The following WAPL variants were observed in gnomAD, a reference collection of about 807,000 sequenced individuals.
WAPL encodes WAPL cohesin release factor.
In WAPL, 5 loss-of-function variants were observed where a neutral mutation model predicts 121.0. The ratio of observed to expected loss-of-function variants is 0.04; its 90% CI spans 0.02 to 0.09. WAPL has a LOEUF of 0.09. Ranked by LOEUF, WAPL falls within the 10% of genes least tolerant of loss-of-function variation. The pLI is 1.00. For synonymous variants in WAPL, 480 were observed against 481.5 expected (o/e 1.00, Z 0.04); for missense variants, 999 against 1,410.8 (o/e 0.71, Z 4.68).
At chr10:86,450,776 A>G (rs1339970803) in intron 15 of WAPL, among the ~76,000 whole-genome samples, 1 of 152,246 alleles carries the variant, frequency 6.6e-6, no homozygotes, top group African/African-American at 2.4e-5. Context: ...AAATAAACTA[A>G]AACTTCAAGG....
chr10:86,494,363 T>C (rs542313294), intron 4 of WAPL, among the ~76,000 whole-genome samples: 3 of 152,190 alleles, frequency 2.0e-5, no homozygotes, highest in Non-Finnish European at 4.4e-5. Context: ...TTCTCAAACA[T>C]CATCTTTACT....
chr10:86,504,358 C>T (rs1469390725), intron 2 of WAPL, among the ~76,000 whole-genome samples: 1 of 2,134 alleles, frequency 4.7e-4, no homozygotes, highest in East Asian at 0.019. Context: ...ATTCTAAATA[C>T]TTTCTATTAA....
chr10:86,471,907 T>G (rs1257004899), intron 7 of WAPL, among the ~76,000 whole-genome samples: 1 of 152,048 alleles, frequency 6.6e-6, no homozygotes. Context: ...AATGCTGGGA[T>G]TATAGGTATG....
chr10:86,461,160 A>C lies in WAPL; in HGVS notation c.2482+16T>G, dbSNP rs1325695823. The C allele has an allele frequency of 1.9e-6, 3 of 1,563,130 alleles. No individual in the cohort carries two copies. The highest frequency in any genetic ancestry group is 2.6e-6 in the Non-Finnish European group (3 of 1,141,248). On this transcript the variant is annotated intron_variant, in intron 10 of 18. Coordinates refer to ENST00000298767, the MANE Select transcript of WAPL (RefSeq NM_015045.5). ...TTAAATAATATATAAAAACATTCTA[A>C]ATGTAAATATCATACCTTTATCTAC...
At chr10:86,442,717 T>C (rs546049620) in intron 17 of WAPL, among the ~76,000 whole-genome samples, 11 of 152,216 alleles carry the variant, frequency 7.2e-5, no homozygotes, top group Non-Finnish European at 1.6e-4. Flanking sequence ...AAGTTTTTAC[T>C]TTAAAACTAT....
At chr10:86,440,325 T>C (rs989140272) in intron 17 of WAPL, among the ~76,000 whole-genome samples, 2 of 152,048 alleles carry the variant, frequency 1.3e-5, no homozygotes, top group Non-Finnish European at 2.9e-5. Context: ...TCTCGCTCTG[T>C]TGCCCAGGCT....
At chr10:86,452,432 A>C (rs1269797083) in intron 14 of WAPL, among the ~76,000 whole-genome samples, 1 of 152,068 alleles carries the variant, frequency 6.6e-6, no homozygotes, top group Non-Finnish European at 1.5e-5. Context: ...TCTCTACTAA[A>C]AATACAAAAA....
Position 86,517,885 on chromosome 10 carries a change from G to T in WAPL, c.185C>A (p.Pro62His). The T allele has an allele frequency of 6.2e-7, 1 of 1,614,050 alleles. No homozygotes were observed. Among genetic ancestry groups the T allele is most frequent in the Non-Finnish European group, 8.5e-7 (1 of 1,179,990 alleles). The change falls in exon 2 of 19, where the codon CCT becomes CAT. Residue 62 changes from proline to histidine, a missense_variant. Coordinates refer to ENST00000298767, the MANE Select transcript of WAPL (RefSeq NM_015045.5). Reference sequence around the variant, plus strand: ...TCCAGTACTTTCTTCTTCCACTTTAGGTTTCTTCGGAATTTCTTGGATATC... The same window carrying T: ...TCCAGTACTTTCTTCTTCCACTTTATGTTTCTTCGGAATTTCTTGGATATC... ...KPDIQEIPKKPKVEEESTGDP... is the reference protein window; with the variant it reads ...KPDIQEIPKKHKVEEESTGDP...
At position 86,454,523 on chromosome 10, in the gene WAPL, G is replaced by C. The variant is rs150186400; in HGVS notation, c.2658-692C>G. On this transcript the variant is annotated intron_variant, in intron 12 of 18. Coordinates refer to ENST00000298767, the MANE Select transcript of WAPL (RefSeq NM_015045.5). ...CTGCCTAGTGCCTGGGACTGCAGGC[G>C]GGCGCCGCCACACCTGACTGGTTTT... Among the ~76,000 whole-genome samples the C allele has an allele frequency of 7.9e-5, 12 of 152,316 alleles. No individual in the cohort carries two copies. In the East Asian group the frequency reaches 2.3e-3, roughly 29 times the overall value.
intron 2 of WAPL, among the ~76,000 whole-genome samples, chr10:86,505,248 T>C (rs967447212): frequency 7.0e-6 from 1 of 142,720 alleles, no homozygotes; most frequent in Admixed American, 7.2e-5. Flanking sequence ...GATCCTCCCA[T>C]CTCAGCCTCC....
intron 2 of WAPL, among the ~76,000 whole-genome samples, chr10:86,511,767 C>A (rs535660971): frequency 6.6e-6 from 1 of 152,108 alleles, no homozygotes; most frequent in South Asian, 2.1e-4. Context: ...ACGGTCTCTA[C>A]AAAAAATATA....
At chr10:86,511,653 G>T (rs1168109003) in intron 2 of WAPL, among the ~76,000 whole-genome samples, 1 of 152,160 alleles carries the variant, frequency 6.6e-6, no homozygotes, top group Non-Finnish European at 1.5e-5. Context: ...AAATAACAGG[G>T]CCGGGCACAG....
rs1166186396 is a variant in WAPL, at chr10:86,437,121, T to C, written c.*422A>G. ...TGTTGTCTAGAATGTCCTCAGAACA[T>C]TCGCTACCTCAGTAGCTAAGCTGCC... On this transcript the variant is annotated 3_prime_UTR_variant, in exon 19 of 19. Coordinates refer to ENST00000298767, the MANE Select transcript of WAPL (RefSeq NM_015045.5). The C allele has an allele frequency of 2.5e-5, 4 of 158,458 alleles. No individual in the cohort carries two copies. The highest frequency in any genetic ancestry group is 9.6e-5 in the African/African-American group (4 of 41,600). The allele number at this position is 158,458 out of a possible 1,614,324, so 9.8% of individuals were successfully genotyped here.
At chr10:86,459,098 A>G in intron 11 of WAPL, 33 bp from the exon 12 acceptor site, 1 of 1,559,594 alleles carries the variant, frequency 6.4e-7, no homozygotes, top group Non-Finnish European at 8.7e-7. Context: ...AATTGTGGCA[A>G]TCCAAAACTT....
intron 15 of WAPL, among the ~76,000 whole-genome samples, chr10:86,450,694 T>C (rs578148961): frequency 5.8e-4 from 89 of 152,332 alleles, no homozygotes; most frequent in South Asian, 5.8e-3. Flanking sequence ...AAATTACTAC[T>C]ACCATTTACT....
At position 86,447,980 on chromosome 10, in the gene WAPL, A is replaced by G. The variant is rs558578725; in HGVS notation, c.3115-1531T>C. Among the ~76,000 whole-genome samples the G allele has an allele frequency of 2.0e-5, 3 of 152,182 alleles. No homozygotes were observed. In the South Asian group the frequency reaches 6.2e-4, roughly 32 times the overall value. ...GGAGAATCACTGGAACCTGGGAGTC[A>G]GGGGTTGCAGTAAGCTGAGATGGTG... On this transcript the variant is annotated intron_variant, in intron 15 of 18. Coordinates refer to ENST00000298767, the MANE Select transcript of WAPL (RefSeq NM_015045.5).
intron 4 of WAPL, among the ~76,000 whole-genome samples, chr10:86,477,979 C>T (rs563888700): frequency 7.7e-4 from 117 of 151,104 alleles, no homozygotes; most frequent in African/African-American, 2.0e-3. Flanking sequence ...TGCTTGAACC[C>T]GGGAGGCGGA....
chr10:86,515,152 C>A (rs1171698687), intron 2 of WAPL, among the ~76,000 whole-genome samples: 1 of 150,268 alleles, frequency 6.7e-6, no homozygotes, highest in African/African-American at 2.4e-5. Context: ...CCCAGCTACT[C>A]GGGGGGACTG....
chr10:86,516,012 A>G (rs896289070), intron 2 of WAPL, among the ~76,000 whole-genome samples: 23 of 151,426 alleles, frequency 1.5e-4, no homozygotes, highest in Non-Finnish European at 2.7e-4. Flanking sequence ...ATTTAGAGGC[A>G]CCCGCCACCA....
Sources: allele counts gnomAD v4.1 joint callset (sites outside exome capture counted in the v4.1 genomes callset), GRCh38; gene constraint gnomAD v4.1.1; transcripts MANE v1.5; gene names NCBI Gene and HGNC (gene_info 2026-07-23, HGNC 2026-07-21).